The following SND1 variants were observed in gnomAD, a reference collection of about 807,000 sequenced individuals.
The protein encoded by SND1 is staphylococcal nuclease domain-containing protein 1.
A neutral mutation model predicts 121.7 loss-of-function variants in SND1; 38 were observed. The ratio of observed to expected loss-of-function variants is 0.31; its 90% CI spans 0.24 to 0.41. The LOEUF (loss-of-function observed/expected upper bound fraction) is 0.41. SND1 is among the 10% of genes least tolerant of loss of function. The probability of loss-of-function intolerance (pLI) is 1.00; values close to 1 mark genes in which losing one functional copy is unlikely to be tolerated. For missense variants in SND1, 868 were observed against 1,184.6 expected (o/e 0.73, Z 3.92); for synonymous variants, 401 against 447.4 (o/e 0.90, Z 1.31).
chr7:128,055,334 A>G (rs62483976), intron 16 of SND1, among the ~76,000 whole-genome samples: 3,070 of 152,204 alleles, frequency 0.02, 50 homozygotes, highest in Middle Eastern at 0.041. Context: ...ACAGGGATCT[A>G]AAGGAGCCCC....
intron 15 of SND1, among the ~76,000 whole-genome samples, chr7:127,945,641 A>G (rs907364330): frequency 6.6e-6 from 1 of 152,136 alleles, no homozygotes; most frequent in African/African-American, 2.4e-5. Flanking sequence ...TCTGCCCCCA[A>G]AGTAACAGAG....
chr7:127,807,641 G>C, intron 11 of SND1, 68 bp downstream of exon 11: 1 of 1,216,730 alleles, frequency 8.2e-7, no homozygotes, highest in Non-Finnish European at 1.2e-6. Flanking sequence ...GGAGGCAATT[G>C]TTATAAGCTG....
intron 16 of SND1, among the ~76,000 whole-genome samples, chr7:128,056,843 T>G (rs1312956553): frequency 6.6e-6 from 1 of 152,148 alleles, no homozygotes; most frequent in Non-Finnish European, 1.5e-5. Flanking sequence ...ACAATAATAA[T>G]AAAACAGAAC....
intron 1 of SND1, among the ~76,000 whole-genome samples, chr7:127,653,804 T>C (rs1221194345): frequency 6.6e-6 from 1 of 152,252 alleles, no homozygotes; most frequent in Non-Finnish European, 1.5e-5. Flanking sequence ...GGATTTTCAG[T>C]ACTGCCTTTT....
At chr7:127,725,167 TA>T (rs1423094661) in intron 10 of SND1, among the ~76,000 whole-genome samples, 1 of 152,200 alleles carries the variant, frequency 6.6e-6, no homozygotes, top group Non-Finnish European at 1.5e-5. Flanking sequence ...TGTATGTGTT[TA>T]AAGACTGAGC....
Position 127,892,787 on chromosome 7 carries a change from T to C in SND1, c.1454+4775T>C, listed in dbSNP as rs571327405. 1.1e-4 allele frequency among the ~76,000 whole-genome samples: 16 copies of C among 152,098 alleles called. 1 individual carries two copies. The South Asian group carries it at 1.7e-3, about 16-fold the overall frequency. ...AGAGTTCCAGTGTGTGTAGCCTCTG[T>C]TTTTTGTCCCCCCCTCCCCACCCCG... On this transcript the variant is annotated intron_variant, in intron 13 of 23. Transcript: ENST00000354725.
In SND1 at chr7:127,670,208, C is replaced by T. The variant is rs554736099; in HGVS notation, c.79-16405C>T. Among the ~76,000 whole-genome samples the T allele has an allele frequency of 2.9e-4, 44 of 152,180 alleles. No individual in the cohort carries two copies. The East Asian group carries it at 7.9e-3, about 27-fold the overall frequency. On this transcript the variant is annotated intron_variant, in intron 1 of 23. Transcript: ENST00000354725. ...TTCACCATGTTGGCCAGGCTGGTCT[C>T]GAACTCCTGATCTCAGATTATCTGC...
intron 10 of SND1, among the ~76,000 whole-genome samples, chr7:127,766,014 C>G (rs1797404493): frequency 6.6e-6 from 1 of 152,116 alleles, no homozygotes; most frequent in African/African-American, 2.4e-5. Context: ...AACTTAATTT[C>G]TAGTGTTAAC....
At chr7:127,875,614 G>A (rs1416118017) in intron 12 of SND1, among the ~76,000 whole-genome samples, 1 of 152,152 alleles carries the variant, frequency 6.6e-6, no homozygotes, top group Non-Finnish European at 1.5e-5. Context: ...TCATGGCTCT[G>A]CCACTTACAA....
Position 127,997,227 on chromosome 7 carries a change from C to T in SND1, c.1779+6171C>T, listed in dbSNP as rs1170820806. ...AATCAAATGCTTTTTCTCCTCAAAT[C>T]ATGCCAGTTTTGCTTTTAGAAGGCA... On this transcript the variant is annotated intron_variant, in intron 16 of 23. Transcript: ENST00000354725. Among the ~76,000 whole-genome samples, 4 of 152,210 alleles carry T rather than the reference C, an allele frequency of 2.6e-5. No homozygotes were observed. The East Asian group carries it at 5.8e-4, about 22-fold the overall frequency.
At chr7:127,655,596 G>A (rs1256849535) in intron 1 of SND1, among the ~76,000 whole-genome samples, 1 of 152,218 alleles carries the variant, frequency 6.6e-6, no homozygotes, top group African/African-American at 2.4e-5. Flanking sequence ...ATAAATACAT[G>A]TCTTCTATCA....
Position 127,697,402 on chromosome 7 carries a change from G to C in SND1, c.350-1473G>C, listed in dbSNP as rs573955160. ...CAAGCTATGTGCCAAGAAAATGTCT[G>C]ACTTATCGGGTGTGCTGTTGATCAG... On this transcript the variant is annotated intron_variant, in intron 3 of 23. Transcript: ENST00000354725. Among the ~76,000 whole-genome samples the C allele has an allele frequency of 1.2e-4, 19 of 152,306 alleles. No homozygotes were observed. In the East Asian group the frequency reaches 2.9e-3, roughly 23 times the overall value.
chr7:127,797,626 C>T (rs963669657), intron 10 of SND1, among the ~76,000 whole-genome samples: 1 of 152,182 alleles, frequency 6.6e-6, no homozygotes, highest in African/African-American at 2.4e-5. Flanking sequence ...GGGCAGGGCC[C>T]CAGCATCTTT....
intron 16 of SND1, among the ~76,000 whole-genome samples, chr7:128,048,601 G>A (rs575169922): frequency 4.6e-5 from 7 of 152,262 alleles, no homozygotes; most frequent in East Asian, 3.9e-4. Flanking sequence ...GCCTTGGGAC[G>A]GGAGAGAGGG....
intron 10 of SND1, among the ~76,000 whole-genome samples, chr7:127,793,962 A>G (rs2116547497): frequency 6.6e-6 from 1 of 152,282 alleles, no homozygotes; most frequent in Admixed American, 6.5e-5. Context: ...ATATATATAT[A>G]ATGAAATTGC....
At chr7:127,890,001 C>G (rs1460732463) in intron 13 of SND1, among the ~76,000 whole-genome samples, 1 of 152,080 alleles carries the variant, frequency 6.6e-6, no homozygotes, top group African/African-American at 2.4e-5. Context: ...GTACAGATAT[C>G]TCTTCGATAT....
At chr7:127,846,969 A>G (rs188472663) in intron 12 of SND1, among the ~76,000 whole-genome samples, 12 of 151,724 alleles carry the variant, frequency 7.9e-5, no homozygotes, top group African/African-American at 2.2e-4. Context: ...TGAATTTTCT[A>G]TATTTTAAAA....
chr7:127,656,709 G>A (rs985152390), intron 1 of SND1, among the ~76,000 whole-genome samples: 2 of 152,132 alleles, frequency 1.3e-5, no homozygotes, highest in African/African-American at 2.4e-5. Context: ...GGAATGTTGC[G>A]GGAAGTCAGG....
chr7:127,858,240 G>A, intron 12 of SND1: 1 of 773,070 alleles, frequency 1.3e-6, no homozygotes, highest in South Asian at 1.5e-5. Flanking sequence ...AGGTTTCCCT[G>A]GGCCACCATC....
Sources: allele counts gnomAD v4.1 joint callset (sites outside exome capture counted in the v4.1 genomes callset), GRCh38; gene constraint gnomAD v4.1.1; transcripts MANE v1.5; gene names NCBI Gene and HGNC (gene_info 2026-07-23, HGNC 2026-07-21).